Variants in KLHL23 observed in about 807,000 individuals in gnomAD.
The protein encoded by KLHL23 is kelch like family member 23.
KLHL23 carries 33 observed loss-of-function variants against 48.9 expected under a neutral mutation model. That is an observed-to-expected ratio of 0.67 (90% confidence interval 0.51 to 0.90). The LOEUF (loss-of-function observed/expected upper bound fraction) is 0.90. Ranked by LOEUF, KLHL23 falls within the 40% of genes least tolerant of loss-of-function variation. The pLI, the probability that KLHL23 is intolerant of heterozygous loss-of-function variation, is 0.00. For missense variants in KLHL23, 608 were observed against 669.6 expected (o/e 0.91, Z 1.02); for synonymous variants, 234 against 231.6 (o/e 1.01, Z -0.09).
At chr2:169,740,697 C>G (rs1477781557) in intron 2 of KLHL23, among the ~76,000 whole-genome samples, 2 of 149,174 alleles carry the variant, frequency 1.3e-5, no homozygotes, top group East Asian at 2.0e-4. Flanking sequence ...ATCCACCCAC[C>G]TTGACCTCCC....
chr2:169,733,892 C>G lies in KLHL23; in HGVS notation c.-198C>G, dbSNP rs1239426492. ...TCCCGCGAGTGGCCTCGCGCCCAGA[C>G]CGTGCGGGGGGCTGTTCGGGTGGAG... On this transcript the variant is annotated 5_prime_UTR_variant, in exon 1 of 4. Transcript: ENST00000392647. The G allele has an allele frequency of 2.6e-5, 4 of 152,194 alleles. No individual in the cohort carries two copies. The allele number at this position is 152,194 out of a possible 1,614,324, so 9.4% of individuals were successfully genotyped here.
intron 3 of KLHL23, 64 bp downstream of exon 3, chr2:169,741,601 T>C: frequency 6.7e-7 from 1 of 1,492,338 alleles, no homozygotes; most frequent in Non-Finnish European, 9.0e-7. Context: ...AAAGGATGGC[T>C]AAAAATGGAC....
chr2:169,741,150 T>C, intron 2 of KLHL23: 2 of 369,924 alleles, frequency 5.4e-6, no homozygotes. Flanking sequence ...CACTCCATTA[T>C]AATTTTATGG....
At chr2:169,741,796 C>T (rs1368716571) in intron 3 of KLHL23, among the ~76,000 whole-genome samples, 2 of 152,084 alleles carry the variant, frequency 1.3e-5, no homozygotes, top group Non-Finnish European at 2.9e-5. Flanking sequence ...AAAATATTAG[C>T]GTCTTTAAAA....
rs1553477016 is a variant in KLHL23, at chr2:169,740,766, T to TTTTATATATATATATATATA, written c.1214-618_1214-617insTTATATATATATATATATAT. 1.8e-4 allele frequency among the ~76,000 whole-genome samples: 22 copies of TTTTATATATATATATATATA among 125,474 alleles called. No homozygotes were observed. In the East Asian group the frequency reaches 1.8e-3, roughly 10 times the overall value. The allele number at this position is 125,474 out of a possible 152,430, so 82.3% of individuals were successfully genotyped here. ...CCCGGCCTCTATAAGCTTTTTTATA[T>TTTTATATATATATATATATA]TATATATATATATATATATATATAT... On this transcript the variant is annotated intron_variant, in intron 2 of 3. Coordinates refer to ENST00000392647, the MANE Select transcript of KLHL23 (RefSeq NM_144711.6).
chr2:169,751,747 T>C lies in KLHL23; in HGVS notation c.*2015T>C, dbSNP rs1688973158. ...ATACTATGATTGTGACTTTGTAAAA[T>C]CTTTATGCATGTGGAAGGTAATCTG... On this transcript the variant is annotated 3_prime_UTR_variant, in exon 4 of 4. Transcript: ENST00000392647. 1 of 152,226 alleles carries C rather than the reference T, an allele frequency of 6.6e-6. No individual in the cohort carries two copies. Among genetic ancestry groups the C allele is most frequent in the African/African-American group, 2.4e-5 (1 of 41,472 alleles). 9.4% of individuals were successfully genotyped at this position (152,226 alleles called of 1,614,324 possible).
At position 169,736,175 on chromosome 2, in the gene KLHL23, G is replaced by A; in HGVS notation, c.1161G>A (p.Glu387=). The stretch of plus-strand genomic sequence containing the variant: ...AAGGGGCTCCAGCAGAAGAGGCTGA[G>A]TTCTATGATCCTTTAAAAGAGAAAT... ...YRKGAPAEEA[E]FYDPLKEKWI... Residue 387 remains glutamate, a synonymous_variant, in exon 2 of 4, where the codon GAG becomes GAA. Transcript: ENST00000392647. The A allele has an allele frequency of 6.2e-7, 1 of 1,613,678 alleles. No homozygotes were observed. The highest frequency in any genetic ancestry group is 8.5e-7 in the Non-Finnish European group (1 of 1,179,906).
chr2:169,746,978 A>G (rs921354706), intron 3 of KLHL23, among the ~76,000 whole-genome samples: 2 of 152,226 alleles, frequency 1.3e-5, no homozygotes, highest in Non-Finnish European at 1.5e-5. Flanking sequence ...ACTGGAAAGT[A>G]AAAAATGAGT....
chr2:169,745,309 G>A (rs367995028), intron 3 of KLHL23, among the ~76,000 whole-genome samples: 11 of 151,774 alleles, frequency 7.2e-5, no homozygotes, highest in East Asian at 5.9e-4. Flanking sequence ...TCAGGAGATC[G>A]AGACCATCCT....
intron 2 of KLHL23, among the ~76,000 whole-genome samples, chr2:169,740,598 A>G (rs372676611): frequency 0.029 from 4,338 of 150,154 alleles, 86 homozygotes; most frequent in East Asian, 0.099. Flanking sequence ...ACAGGCGCCC[A>G]CCACCACGTC....
At chr2:169,740,047 C>G in intron 2 of KLHL23, among the ~76,000 whole-genome samples, 1 of 152,170 alleles carries the variant, frequency 6.6e-6, no homozygotes, top group East Asian at 1.9e-4. Flanking sequence ...GGAAGTTGTT[C>G]TGGTTGAGTC....
rs1251428639 is a variant in KLHL23, at chr2:169,749,586, T to C, written c.1531T>C (p.Tyr511His). The change falls in exon 4 of 4, where the codon TAT becomes CAT. Residue 511 changes from tyrosine (Y) to histidine (H), a missense_variant. Coordinates refer to ENST00000392647, the MANE Select transcript of KLHL23 (RefSeq NM_144711.6). ...CGAVIMNGCI[Y>H]VTGGYSYSKG... ...TGCCGTCATCATGAATGGATGTATT[T>C]ATGTCACTGGAGGATACTCCTACTC... 6.2e-7 allele frequency: 1 copy of C among 1,614,044 alleles called. No homozygotes were observed. Among genetic ancestry groups the C allele is most frequent in the Non-Finnish European group, 8.5e-7 (1 of 1,180,008 alleles).
At chr2:169,745,572 AAGAC>A (rs921684923) in intron 3 of KLHL23, among the ~76,000 whole-genome samples, 5 of 151,800 alleles carry the variant, frequency 3.3e-5, no homozygotes, top group Non-Finnish European at 5.9e-5. Flanking sequence ...GATTGGGAGA[AAGAC>A]AGCAAGGGGA....
chr2:169,747,244 A>G (rs995954415), intron 3 of KLHL23, among the ~76,000 whole-genome samples: 19 of 151,890 alleles, frequency 1.3e-4, no homozygotes, highest in African/African-American at 4.4e-4. Context: ...CGCACCCGTA[A>G]TCTCAGCTAC....
chr2:169,745,513 CAAAAAAAAAAAA>C lies in KLHL23; in HGVS notation c.1367-3894_1367-3883del, dbSNP rs1157957265. Among the ~76,000 whole-genome samples, 5 of 63,650 alleles carry C rather than the reference CAAAAAAAAAAAA, an allele frequency of 7.9e-5. 1 individual carries two copies. In the South Asian group the frequency reaches 2.6e-3, roughly 33 times the overall value. The allele number at this position is 63,650 out of a possible 152,430, so 41.8% of individuals were successfully genotyped here. A position where few individuals can be genotyped will look rare whatever the true frequency, so the allele number is the denominator to read the frequency against. On this transcript the variant is annotated intron_variant, in intron 3 of 3. Transcript: ENST00000392647. ...TGGGTGACAGAGTGAGACTCCGTCT[CAAAAAAAAAAAA>C]AAAAAAAAAAAAAAGGAAGAGAACT... is the stretch of plus-strand genomic sequence containing the variant.
At chr2:169,743,266 A>G (rs1240219496) in intron 3 of KLHL23, among the ~76,000 whole-genome samples, 1 of 152,238 alleles carries the variant, frequency 6.6e-6, no homozygotes, top group South Asian at 2.1e-4. Flanking sequence ...CCTCAAAAAT[A>G]AGTTTTCCAT....
chr2:169,740,964 A>G lies in KLHL23; in HGVS notation c.1214-421A>G, dbSNP rs558962339. The G allele has an allele frequency of 9.6e-4, 147 of 153,258 alleles. 1 individual carries two copies. The highest frequency in any genetic ancestry group is 3.4e-3 in the Middle Eastern group (1 of 294). 9.5% of individuals were successfully genotyped at this position (153,258 alleles called of 1,614,324 possible). On this transcript the variant is annotated intron_variant, in intron 2 of 3. Transcript: ENST00000392647. The stretch of plus-strand genomic sequence containing the variant: ...CACTTGCAGGCTTTCAAGGGCAATA[A>G]CAGGCATAGAGCTATCCTCTCCTAT...
chr2:169,741,484 G>C lies in KLHL23; in HGVS notation c.1313G>C (p.Ser438Thr). Residue 438 changes from serine (S) to threonine (T), a missense_variant, in exon 3 of 4, where the codon AGC becomes ACC. By Grantham distance (58) the Ser-to-Thr change is moderately conservative. Transcript: ENST00000392647. ...RGSCTYDKVQ[S>T]YNSDINEWSL... is the part of the protein sequence containing the mutation. ...AGCTGCACCTATGACAAAGTTCAGAGCTACAATTCCGATATCAACGAATGG... is the reference window on the plus strand; with the variant it reads ...AGCTGCACCTATGACAAAGTTCAGACCTACAATTCCGATATCAACGAATGG... 6.2e-7 allele frequency: 1 copy of C among 1,613,930 alleles called. No homozygotes were observed. The highest frequency in any genetic ancestry group is 1.3e-5 in the African/African-American group (1 of 75,050).
Position 169,749,858 on chromosome 2 carries a change from T to C in KLHL23, c.*126T>C, listed in dbSNP as rs1351560003. Reference sequence around the variant, plus strand: ...CACATGATAGGGGATCAGTAAATTGTAATTCCTAACCCTACTGTACTCCCA... The same window carrying C: ...CACATGATAGGGGATCAGTAAATTGCAATTCCTAACCCTACTGTACTCCCA... On this transcript the variant is annotated 3_prime_UTR_variant, in exon 4 of 4. Coordinates refer to ENST00000392647, the MANE Select transcript of KLHL23 (RefSeq NM_144711.6). 1 of 1,181,676 alleles carries C rather than the reference T, an allele frequency of 8.5e-7. No homozygotes were observed. The highest frequency in any genetic ancestry group is 1.2e-6 in the Non-Finnish European group (1 of 864,302). 73.2% of individuals were successfully genotyped at this position (1,181,676 alleles called of 1,614,324 possible).
Sources: allele counts gnomAD v4.1 joint callset (sites outside exome capture counted in the v4.1 genomes callset), GRCh38; gene constraint gnomAD v4.1.1; transcripts MANE v1.5; gene names NCBI Gene and HGNC (gene_info 2026-07-23, HGNC 2026-07-21).